Variants in PDE4D observed in about 807,000 individuals in gnomAD.
PDE4D encodes phosphodiesterase 4D.
PDE4D carries 24 observed loss-of-function variants against 87.4 expected under a neutral mutation model. The observed-to-expected ratio is 0.27, with a 90% CI of 0.20 to 0.39. The LOEUF is 0.39. Ranked by LOEUF, PDE4D falls within the 10% of genes least tolerant of loss-of-function variation. PDE4D has a pLI of 1.00. For synonymous variants in PDE4D, 384 were observed against 383.2 expected, an observed-to-expected ratio of 1.00 and a Z score of -0.02; for missense variants, 714 against 1,041.0, an observed-to-expected ratio of 0.69 and a Z score of 4.32.
chr5:59,110,666 G>A (rs746490876), intron 5 of PDE4D, among the ~76,000 whole-genome samples: 1 of 152,166 alleles, frequency 6.6e-6, no homozygotes, highest in African/African-American at 2.4e-5. Flanking sequence ...GAGCCTAGGA[G>A]TTTGAGACTA....
intron 6 of PDE4D, among the ~76,000 whole-genome samples, chr5:59,016,273 T>C (rs1231204388): frequency 6.7e-6 from 1 of 148,190 alleles, no homozygotes; most frequent in African/African-American, 2.4e-5. Flanking sequence ...ACTTAAAGTG[T>C]AATAAAAAAA....
chr5:59,019,580 A>G lies in PDE4D; in HGVS notation c.921+19279T>C, dbSNP rs556840553. Among the ~76,000 whole-genome samples, 306 of 152,208 alleles carry G rather than the reference A, an allele frequency of 2.0e-3. 1 individual carries two copies. The highest frequency in any genetic ancestry group is 3.8e-3 in the Non-Finnish European group (257 of 68,006). On this transcript the variant is annotated intron_variant, in intron 6 of 14. Transcript: ENST00000340635. ...CAGAATGCCCACTACCCTCCTCTCC[A>G]GCAAACATACAATAAAGCGAATCCA... is the stretch of plus-strand genomic sequence containing the variant.
At chr5:60,107,843 T>C (rs1056251324) in intron 2 of PDE4D, among the ~76,000 whole-genome samples, 17 of 152,210 alleles carry the variant, frequency 1.1e-4, no homozygotes, top group African/African-American at 3.6e-4. Context: ...AAATTAGGTA[T>C]TGATGGGACG....
At chr5:58,985,085 T>A (rs1011639579) in intron 11 of PDE4D, among the ~76,000 whole-genome samples, 32 of 151,774 alleles carry the variant, frequency 2.1e-4, no homozygotes, top group African/African-American at 6.3e-4. Flanking sequence ...AATTTTTTTG[T>A]ATTTTTTTTT....
chr5:59,039,481 G>C, intron 5 of PDE4D: 1 of 985,704 alleles, frequency 1.0e-6, no homozygotes, highest in African/African-American at 1.7e-5. Flanking sequence ...TGAAGTGAAT[G>C]AATCAGCCGC....
chr5:59,194,241 T>C (rs1001785432), intron 2 of PDE4D, among the ~76,000 whole-genome samples: 5 of 152,170 alleles, frequency 3.3e-5, no homozygotes, highest in Non-Finnish European at 1.5e-5. Context: ...AGTGAGAAAC[T>C]GGGGCCCAGG....
At chr5:58,995,721 T>G (rs1230938163) in intron 6 of PDE4D, among the ~76,000 whole-genome samples, 2 of 152,194 alleles carry the variant, frequency 1.3e-5, no homozygotes, top group Non-Finnish European at 2.9e-5. Flanking sequence ...ACTGTAGTTA[T>G]AACCATAAAA....
At chr5:59,668,839 G>A (rs1377364221) in intron 1 of PDE4D, among the ~76,000 whole-genome samples, 1,528 of 58,984 alleles carry the variant, frequency 0.026, 87 homozygotes, top group African/African-American at 0.09. Flanking sequence ...AAGAGGAAGA[G>A]GAAGAGGAAG....
intron 1 of PDE4D, among the ~76,000 whole-genome samples, chr5:59,327,937 T>C (rs552648403): frequency 8.9e-4 from 135 of 152,246 alleles, no homozygotes; most frequent in African/African-American, 3.2e-3. Context: ...TCAAATGAGA[T>C]AATGGTAAGA....
intron 2 of PDE4D, among the ~76,000 whole-genome samples, chr5:60,170,519 T>C (rs1223687961): frequency 6.6e-6 from 1 of 152,018 alleles, no homozygotes; most frequent in East Asian, 1.9e-4. Flanking sequence ...CACAGCCTAA[T>C]GTACAAGGTT....
chr5:59,622,222 A>G (rs1830426194), intron 1 of PDE4D, among the ~76,000 whole-genome samples: 1 of 152,162 alleles, frequency 6.6e-6, no homozygotes, highest in African/African-American at 2.4e-5. Context: ...CACACACTAT[A>G]TATACGAATG....
intron 1 of PDE4D, among the ~76,000 whole-genome samples, chr5:59,315,351 A>G (rs911431686): frequency 6.6e-6 from 1 of 152,144 alleles, no homozygotes; most frequent in Admixed American, 6.6e-5. Flanking sequence ...TGTTCTGACA[A>G]TTAGCAAGAG....
chr5:59,749,154 G>A (rs1281453268), intron 1 of PDE4D, among the ~76,000 whole-genome samples: 1 of 152,198 alleles, frequency 6.6e-6, no homozygotes, highest in Non-Finnish European at 1.5e-5. Context: ...GACTTGTGTT[G>A]TATGCCACCA....
intron 1 of PDE4D, among the ~76,000 whole-genome samples, chr5:59,217,644 G>T (rs1357394644): frequency 6.6e-6 from 1 of 152,132 alleles, no homozygotes; most frequent in Non-Finnish European, 1.5e-5. Context: ...TTACAGACGA[G>T]GATACCAGGT....
intron 11 of PDE4D, among the ~76,000 whole-genome samples, chr5:58,980,213 C>T (rs13188077): frequency 0.16 from 24,373 of 152,052 alleles, 2,090 homozygotes; most frequent in Admixed American, 0.19. Flanking sequence ...ATCTTTTATA[C>T]ACATAAATAT....
chr5:60,460,032 G>T, intron 1 of PDE4D: 1 of 1,431,820 alleles, frequency 7.0e-7, no homozygotes, highest in Non-Finnish European at 9.8e-7. Flanking sequence ...ACTGTAATGA[G>T]TTTGACCAAA....
chr5:59,578,606 C>T (rs1444654232), intron 1 of PDE4D, among the ~76,000 whole-genome samples: 1 of 152,078 alleles, frequency 6.6e-6, no homozygotes, highest in Non-Finnish European at 1.5e-5. Context: ...ATAACCTTTC[C>T]AATTCCCCCT....
chr5:59,269,872 A>G (rs1763498440), intron 1 of PDE4D, among the ~76,000 whole-genome samples: 1 of 152,112 alleles, frequency 6.6e-6, no homozygotes, highest in African/African-American at 2.4e-5. Flanking sequence ...ATTAATAAAA[A>G]ATGTCCCATT....
At chr5:58,996,943 G>A (rs1051230539) in intron 6 of PDE4D, among the ~76,000 whole-genome samples, 8 of 152,016 alleles carry the variant, frequency 5.3e-5, no homozygotes, top group African/African-American at 1.9e-4. Flanking sequence ...TCCAGCCTTT[G>A]TTTAAAACAC....
Sources: allele counts gnomAD v4.1 joint callset (sites outside exome capture counted in the v4.1 genomes callset), GRCh38; gene constraint gnomAD v4.1.1; transcripts MANE v1.5; gene names NCBI Gene and HGNC (gene_info 2026-07-23, HGNC 2026-07-21).